The following EIF2AK3 variants were observed in gnomAD, a reference collection of about 807,000 sequenced individuals.
EIF2AK3 encodes eukaryotic translation initiation factor 2-alpha kinase 3.
EIF2AK3 carries 50 observed loss-of-function variants against 113.5 expected under a neutral mutation model. The observed-to-expected ratio is 0.44, with a 90% CI of 0.35 to 0.56. The LOEUF is 0.56. EIF2AK3 is among the 20% of genes least tolerant of loss of function. EIF2AK3 has a pLI of 0.00. For synonymous variants in EIF2AK3, 448 were observed against 495.4 expected (o/e 0.90, Z 1.27); for missense variants, 1,185 against 1,378.0 (o/e 0.86, Z 2.22).
At chr2:88,619,545 T>C (rs1200025195) in intron 1 of EIF2AK3, among the ~76,000 whole-genome samples, 1 of 152,184 alleles carries the variant, frequency 6.6e-6, no homozygotes, top group Non-Finnish European at 1.5e-5. Context: ...CTTAAAAGGG[T>C]AGCCATCCAT....
intron 2 of EIF2AK3, among the ~76,000 whole-genome samples, chr2:88,602,225 T>C (rs1313789659): frequency 6.6e-6 from 1 of 152,204 alleles, no homozygotes; most frequent in Non-Finnish European, 1.5e-5. Context: ...TAGCATTTTC[T>C]TGATTAGTGA....
chr2:88,577,753 C>T (rs1350522625), intron 11 of EIF2AK3, among the ~76,000 whole-genome samples: 1 of 152,152 alleles, frequency 6.6e-6, no homozygotes, highest in Non-Finnish European at 1.5e-5. Context: ...GAACTCTCAC[C>T]ATTCTCCATA....
At chr2:88,562,503 T>C in intron 14 of EIF2AK3, 113 bp from the exon 15 acceptor site, 1 of 835,464 alleles carries the variant, frequency 1.2e-6, no homozygotes, top group Non-Finnish European at 2.0e-6. Flanking sequence ...TAAATGCAAG[T>C]ACATGTGTAA....
In EIF2AK3 at chr2:88,627,221, C is replaced by T. The variant is rs1172108878; in HGVS notation, c.54G>A (p.Leu18=). ...GLLVRALLLL[L]LLLGLAARTV... is the part of the protein sequence containing the mutation. ...TCCTTGCCGCGAGCCCCAGCAGCAG[C>T]AGCAGCAGCAGCAGCGCCCGTACCA... The change falls in exon 1 of 17, where the codon CTG becomes CTA. Residue 18 remains leucine (L), a synonymous_variant. Coordinates refer to ENST00000303236, the MANE Select transcript of EIF2AK3 (RefSeq NM_004836.7). The T allele has an allele frequency of 8.1e-6, 12 of 1,472,478 alleles. No homozygotes were observed. Among genetic ancestry groups the T allele is most frequent in the East Asian group, 5.9e-5 (2 of 33,946 alleles). 91.2% of individuals were successfully genotyped at this position (1,472,478 alleles called of 1,614,324 possible).
intron 2 of EIF2AK3, among the ~76,000 whole-genome samples, chr2:88,608,700 CTTTTTTTTTTTTTT>C (rs1176748814): frequency 3.2e-5 from 2 of 62,002 alleles, no homozygotes; most frequent in South Asian, 7.3e-4. Flanking sequence ...TTTTTGATTT[CTTTTTTTTTTTTTT>C]TTTTTTTTTT....
At chr2:88,620,300 C>CATGGAGTGGAGCTTTT (rs1675691046) in intron 1 of EIF2AK3, among the ~76,000 whole-genome samples, 1 of 152,180 alleles carries the variant, frequency 6.6e-6, no homozygotes, top group African/African-American at 2.4e-5. Flanking sequence ...TCCCCCCTTT[C>CATGGAGTGGAGCTTTT]CATGGGGTGA....
intron 1 of EIF2AK3, among the ~76,000 whole-genome samples, chr2:88,625,563 G>C (rs538460712): frequency 6.6e-6 from 1 of 152,148 alleles, no homozygotes; most frequent in Non-Finnish European, 1.5e-5. Context: ...AGTCTGTAAT[G>C]TTGTTATAGG....
intron 14 of EIF2AK3, among the ~76,000 whole-genome samples, chr2:88,567,768 C>T (rs977215514): frequency 2.6e-5 from 4 of 152,194 alleles, no homozygotes; most frequent in Non-Finnish European, 5.9e-5. Context: ...ACTGGCCTAG[C>T]CCCACCAGTT....
At chr2:88,574,226 G>A (rs1414918383) in intron 13 of EIF2AK3, among the ~76,000 whole-genome samples, 1 of 152,124 alleles carries the variant, frequency 6.6e-6, no homozygotes, top group African/African-American at 2.4e-5. Context: ...AGGAACCCAT[G>A]TCTCTCCTTC....
At position 88,574,747 on chromosome 2, in the gene EIF2AK3, G is replaced by A. The variant is rs886056416; in HGVS notation, c.2736C>T (p.Ser912=). 48 of 1,614,160 alleles carry A rather than the reference G, an allele frequency of 3.0e-5. No individual in the cohort carries two copies. The highest frequency in any genetic ancestry group is 3.9e-5 in the Non-Finnish European group (46 of 1,180,032). The change falls in exon 13 of 17, where the codon AGC becomes AGT. Residue 912 remains serine, a synonymous_variant. Transcript: ENST00000303236. ...TCTGCAGGAAGATGTGCAGACACAC[G>A]CTCCTCTCTCTCTCCTCTATGGTAC... ...GRCTIEERER[S]VCLHIFLQIA...
Position 88,557,952 on chromosome 2 carries a change from T to C in EIF2AK3, c.3151-16A>G. On this transcript the variant is annotated splice_polypyrimidine_tract_variant and intron_variant, in intron 16 of 16. Coordinates refer to ENST00000303236, the MANE Select transcript of EIF2AK3 (RefSeq NM_004836.7). ...CCATCACGTACTGAAAATATAAAAA[T>C]TGTTTTGTGATAAAACGGCCAGGTT... 17 of 1,613,492 alleles carry C rather than the reference T, an allele frequency of 1.1e-5. No individual in the cohort carries two copies. The highest frequency in any genetic ancestry group is 1.4e-5 in the Non-Finnish European group (16 of 1,179,524).
chr2:88,583,349 C>A, intron 10 of EIF2AK3, 81 bp downstream of exon 10: 1 of 1,025,738 alleles, frequency 9.7e-7, no homozygotes. Flanking sequence ...TCTAGATATC[C>A]ACACATTAAA....
chr2:88,626,890 C>A, intron 1 of EIF2AK3, 77 bp downstream of exon 1: 1 of 1,554,026 alleles, frequency 6.4e-7, no homozygotes, highest in South Asian at 1.2e-5. Context: ...GGTCCCGGAT[C>A]TCCGCCCCCC....
At chr2:88,571,779 T>A (rs1361049006) in intron 13 of EIF2AK3, among the ~76,000 whole-genome samples, 1 of 152,206 alleles carries the variant, frequency 6.6e-6, no homozygotes, top group Non-Finnish European at 1.5e-5. Context: ...TCTTCACTAC[T>A]ACTCTATGCT....
chr2:88,617,822 C>T (rs1440363349), intron 1 of EIF2AK3, among the ~76,000 whole-genome samples: 1 of 151,316 alleles, frequency 6.6e-6, no homozygotes, highest in South Asian at 2.1e-4. Flanking sequence ...TACTATGTAA[C>T]AAATCAGCAC....
At position 88,568,379 on chromosome 2, in the gene EIF2AK3, G is replaced by A. The variant is rs537228143; in HGVS notation, c.2985+2495C>T. Among the ~76,000 whole-genome samples the A allele has an allele frequency of 3.3e-5, 5 of 152,264 alleles. No homozygotes were observed. The East Asian group carries it at 5.8e-4, about 18-fold the overall frequency. On this transcript the variant is annotated intron_variant, in intron 14 of 16. Coordinates refer to ENST00000303236, the MANE Select transcript of EIF2AK3 (RefSeq NM_004836.7). ...GACAGAACCTAAGCATGAATCAAGC[G>A]AGCAGTGCCAAGCTGTACCAGTAGC...
Position 88,575,255 on chromosome 2 carries a change from A to G in EIF2AK3, c.2228T>C (p.Phe743Ser). Residue 743 changes from phenylalanine (F) to serine (S), a missense_variant, in exon 13 of 17, where the codon TTC becomes TCC. Coordinates refer to ENST00000303236, the MANE Select transcript of EIF2AK3 (RefSeq NM_004836.7). ...SSESQFSPLEFSGMDHEDISE... is the reference protein window; with the variant it reads ...SSESQFSPLESSGMDHEDISE... ...GATGTCCTCATGGTCCATTCCTGAG[A>G]ATTCCAGTGGTGAGAACTGGCTCTC... The G allele has an allele frequency of 6.2e-7, 1 of 1,613,958 alleles. No homozygotes were observed. The highest frequency in any genetic ancestry group is 1.7e-5 in the Admixed American group (1 of 60,010).
At chr2:88,570,368 TC>T (rs1442175068) in intron 14 of EIF2AK3, among the ~76,000 whole-genome samples, 4 of 152,178 alleles carry the variant, frequency 2.6e-5, no homozygotes, top group Admixed American at 2.0e-4. Flanking sequence ...CCCCAGCTCT[TC>T]CAGTCCCTGC....
chr2:88,576,169 GAA>G (rs1447097840), intron 12 of EIF2AK3, among the ~76,000 whole-genome samples: 1 of 152,184 alleles, frequency 6.6e-6, no homozygotes, highest in African/African-American at 2.4e-5. Flanking sequence ...CTTATACTGA[GAA>G]AAGTCACTAT....
Sources: allele counts gnomAD v4.1 joint callset (sites outside exome capture counted in the v4.1 genomes callset), GRCh38; gene constraint gnomAD v4.1.1; transcripts MANE v1.5; gene names NCBI Gene and HGNC (gene_info 2026-07-23, HGNC 2026-07-21).